The following UNC13C variants were observed in gnomAD, a reference collection of about 807,000 sequenced individuals.
UNC13C encodes unc-13 homolog C.
UNC13C carries 174 observed loss-of-function variants against 245.4 expected under a neutral mutation model. The observed-to-expected ratio is 0.71, with a 90% confidence interval of 0.63 to 0.80. The LOEUF (loss-of-function observed/expected upper bound fraction) is 0.80. Among genes scored for constraint, UNC13C ranks in the 30% least tolerant of loss-of-function variants. UNC13C has a pLI of 0.00. For missense variants in UNC13C, 2,829 were observed against 2,602.9 expected, an observed-to-expected ratio of 1.09 and a Z score of -1.89; for synonymous variants, 992 against 895.1, an observed-to-expected ratio of 1.11 and a Z score of -1.93.
chr15:54,109,774 A>G (rs1368563272), intron 2 of UNC13C, among the ~76,000 whole-genome samples: 1 of 152,080 alleles, frequency 6.6e-6, no homozygotes, highest in Non-Finnish European at 1.5e-5. Context: ...ATGAAACTGG[A>G]TTGTGAGTTG....
At chr15:53,843,586 G>C in the UNC13C span, among the ~76,000 whole-genome samples, 1 of 152,040 alleles carries the variant, frequency 6.6e-6, no homozygotes, top group Non-Finnish European at 1.5e-5. Context: ...GGACCAGTGG[G>C]TGAGAAAAGG....
Position 54,426,738 on chromosome 15 carries a change from C to T in UNC13C, c.4933+11671C>T, listed in dbSNP as rs150647284. Reference sequence around the variant, plus strand: ...TGGCTTTAGTCAGACAGGATGAGTACGAAAATCTGTCTCCATTACTTACCC... The same window carrying T: ...TGGCTTTAGTCAGACAGGATGAGTATGAAAATCTGTCTCCATTACTTACCC... On this transcript the variant is annotated intron_variant, in intron 19 of 32. Coordinates refer to ENST00000260323, the MANE Select transcript of UNC13C (RefSeq NM_001080534.3). Among the ~76,000 whole-genome samples, 380 of 151,786 alleles carry T rather than the reference C, an allele frequency of 2.5e-3. 2 individuals are homozygous for T. Among genetic ancestry groups the T allele is most frequent in the African/African-American group, 8.6e-3 (358 of 41,476 alleles).
intron 2 of UNC13C, among the ~76,000 whole-genome samples, chr15:54,084,896 A>G (rs536867299): frequency 1.3e-5 from 2 of 152,152 alleles, no homozygotes; most frequent in Non-Finnish European, 2.9e-5. Flanking sequence ...AATGATCTTT[A>G]TTTTGCATTC....
At chr15:53,942,378 A>G in the UNC13C span, among the ~76,000 whole-genome samples, 9 of 152,228 alleles carry the variant, frequency 5.9e-5, no homozygotes, top group South Asian at 1.7e-3. Flanking sequence ...CATGTGGGGA[A>G]ACCACATACA....
chr15:54,516,814 T>A (rs1283987533), intron 24 of UNC13C, among the ~76,000 whole-genome samples: 13 of 71,846 alleles, frequency 1.8e-4, no homozygotes, highest in Non-Finnish European at 2.3e-4. Flanking sequence ...AAAAAAAAAG[T>A]ATCAGATAAT....
chr15:54,429,478 A>G (rs1363347780), intron 19 of UNC13C, among the ~76,000 whole-genome samples: 2 of 151,748 alleles, frequency 1.3e-5, no homozygotes, highest in Non-Finnish European at 3.0e-5. Flanking sequence ...AAAAAGCAGT[A>G]TAGAAACATA....
chr15:53,967,332 TTG>T, the UNC13C span, among the ~76,000 whole-genome samples: 5 of 53,458 alleles, frequency 9.4e-5, no homozygotes, highest in Non-Finnish European at 1.5e-4. Flanking sequence ...TTTTTTTTTG[TTG>T]TTTTGTTTTG....
At chr15:54,134,441 T>TG (rs1348593479) in intron 2 of UNC13C, among the ~76,000 whole-genome samples, 3 of 150,824 alleles carry the variant, frequency 2.0e-5, no homozygotes, top group African/African-American at 4.9e-5. Context: ...TGTGTGTGCG[T>TG]TTGTGTGTGT....
the UNC13C span, among the ~76,000 whole-genome samples, chr15:53,920,168 T>C: frequency 6.6e-6 from 1 of 152,214 alleles, no homozygotes; most frequent in Non-Finnish European, 1.5e-5. Context: ...TTCCTTCTTG[T>C]TGGATATTAA....
At chr15:54,162,962 T>C (rs938497617) in intron 4 of UNC13C, among the ~76,000 whole-genome samples, 2 of 152,126 alleles carry the variant, frequency 1.3e-5, no homozygotes, top group African/African-American at 2.4e-5. Context: ...AAGGTAACTG[T>C]AGATAAAGTT....
chr15:54,430,265 T>C (rs534861762), intron 19 of UNC13C, among the ~76,000 whole-genome samples: 5 of 151,796 alleles, frequency 3.3e-5, no homozygotes, highest in African/African-American at 1.2e-4. Context: ...TTACATTTAG[T>C]TTTTTACTCT....
At chr15:54,158,659 T>A (rs891107210) in intron 4 of UNC13C, among the ~76,000 whole-genome samples, 2 of 151,228 alleles carry the variant, frequency 1.3e-5, no homozygotes, top group African/African-American at 2.5e-5. Context: ...TTATTTTTTT[T>A]AAACTTTTTA....
intron 14 of UNC13C, among the ~76,000 whole-genome samples, chr15:54,329,917 T>C (rs1248681363): frequency 6.6e-6 from 1 of 152,074 alleles, no homozygotes; most frequent in African/African-American, 2.4e-5. Context: ...TAAATAAGAT[T>C]TCCCCCTTTG....
chr15:54,236,374 C>A (rs915279661), intron 5 of UNC13C, 56 bp from the exon 6 acceptor site: 7 of 1,399,026 alleles, frequency 5.0e-6, no homozygotes, highest in Non-Finnish European at 7.0e-6. Context: ...TCTTTTCCTA[C>A]CTTTCATGTA....
chr15:54,448,024 G>A (rs913184962), intron 19 of UNC13C, among the ~76,000 whole-genome samples: 44 of 152,122 alleles, frequency 2.9e-4, no homozygotes, highest in African/African-American at 7.5e-4. Context: ...CCTTCATTTC[G>A]TTATGTACCC....
chr15:54,306,299 A>G (rs1438017934), intron 13 of UNC13C, among the ~76,000 whole-genome samples: 1 of 152,014 alleles, frequency 6.6e-6, no homozygotes, highest in Non-Finnish European at 1.5e-5. Context: ...CTGTTTGGAC[A>G]AGTGATTGAT....
intron 2 of UNC13C, chr15:54,050,838 G>A (rs1897243296): frequency 5.2e-6 from 3 of 580,088 alleles, no homozygotes; most frequent in South Asian, 4.1e-5. Context: ...ACTAATTCTT[G>A]ATGCTTTGGT....
At chr15:54,195,316 A>G (rs1270449942) in intron 4 of UNC13C, among the ~76,000 whole-genome samples, 1 of 152,208 alleles carries the variant, frequency 6.6e-6, no homozygotes, top group Admixed American at 6.6e-5. Flanking sequence ...TGCTGAGAGA[A>G]CAGTCGTTAA....
At chr15:54,332,719 G>A (rs1373810771) in intron 15 of UNC13C, among the ~76,000 whole-genome samples, 1 of 151,892 alleles carries the variant, frequency 6.6e-6, no homozygotes, top group Admixed American at 6.6e-5. Flanking sequence ...TAAAAATTTA[G>A]TTACAAATTT....
Sources: allele counts gnomAD v4.1 joint callset (sites outside exome capture counted in the v4.1 genomes callset), GRCh38; gene constraint gnomAD v4.1.1; transcripts MANE v1.5; gene names NCBI Gene and HGNC (gene_info 2026-07-23, HGNC 2026-07-21).